Variants in FAT4 observed in about 807,000 individuals in gnomAD.
FAT4 encodes the protein protocadherin Fat 4.
FAT4 carries 84 observed loss-of-function variants against 303.9 expected under a neutral mutation model. The ratio of observed to expected loss-of-function variants is 0.28; its 90% confidence interval spans 0.23 to 0.33. The LOEUF (loss-of-function observed/expected upper bound fraction) is 0.33, where lower values mean the gene tolerates loss of function less well. Among genes scored for constraint, FAT4 ranks in the 10% least tolerant of loss-of-function variants. The pLI is 1.00. For synonymous variants in FAT4, 2,307 were observed against 2,298.8 expected (o/e 1.00, Z -0.10); for missense variants, 6,005 against 6,146.8 (o/e 0.98, Z 0.77).
At chr4:125,436,269 A>G (rs1578640999) in intron 8 of FAT4, among the ~76,000 whole-genome samples, 1 of 152,228 alleles carries the variant, frequency 6.6e-6, no homozygotes, top group African/African-American at 2.4e-5. Flanking sequence ...TTCCACTCAA[A>G]CACCTAGGCA....
intron 7 of FAT4, among the ~76,000 whole-genome samples, chr4:125,417,185 G>T (rs1245795293): frequency 6.6e-6 from 1 of 152,086 alleles, no homozygotes; most frequent in African/African-American, 2.4e-5. Context: ...TGCCCTATAA[G>T]CTTATTGAGT....
chr4:125,417,578 A>G (rs1735124627), intron 7 of FAT4, among the ~76,000 whole-genome samples: 1 of 152,170 alleles, frequency 6.6e-6, no homozygotes, highest in Admixed American at 6.6e-5. Flanking sequence ...CAATAGAGTT[A>G]TGGAGGATTC....
intron 12 of FAT4, among the ~76,000 whole-genome samples, chr4:125,471,761 G>A (rs565422789): frequency 1.2e-4 from 18 of 151,700 alleles, no homozygotes; most frequent in African/African-American, 4.4e-4. Flanking sequence ...TAAAAGTGTA[G>A]TTACTGGTGG....
At chr4:125,489,710 G>T (rs1015405462) in intron 17 of FAT4, among the ~76,000 whole-genome samples, 191 bp from the exon 18 acceptor site, 1 of 152,026 alleles carries the variant, frequency 6.6e-6, no homozygotes, top group African/African-American at 2.4e-5. Flanking sequence ...AACGCACCTT[G>T]CTAAGTTATA....
chr4:125,361,038 T>A (rs1220141726), intron 2 of FAT4, among the ~76,000 whole-genome samples: 1 of 150,048 alleles, frequency 6.7e-6, no homozygotes, highest in Non-Finnish European at 1.5e-5. Context: ...AGTGCACTGA[T>A]GTGTATTGTT....
chr4:125,446,167 A>G, intron 8 of FAT4, 126 bp from the exon 9 acceptor site: 4 of 784,036 alleles, frequency 5.1e-6, no homozygotes, highest in Non-Finnish European at 7.9e-6. Context: ...TATTCTTTCC[A>G]ACATTGTTGT....
chr4:125,461,888 C>T (rs1034086622), intron 10 of FAT4, among the ~76,000 whole-genome samples: 11 of 151,816 alleles, frequency 7.2e-5, no homozygotes, highest in African/African-American at 2.7e-4. Flanking sequence ...TCTGTGAAAC[C>T]GCAACTCTCT....
chr4:125,320,496 C>A lies in FAT4; in HGVS notation c.4085C>A (p.Thr1362Asn). The stretch of plus-strand genomic sequence containing the variant: ...ATTACTGGGACTAACAACCACGGAA[C>A]TTTTAGCATTAGCCCAAACACTGGG... ...YSITGTNNHGTFSISPNTGSI... is the reference protein window; with the variant it reads ...YSITGTNNHGNFSISPNTGSI... The change falls in exon 2 of 18, where the codon ACT (threonine) becomes AAT (asparagine). Residue 1362 changes from threonine (T) to asparagine (N), a missense_variant. Transcript: ENST00000394329. The A allele has an allele frequency of 1.2e-6, 2 of 1,614,094 alleles. No homozygotes were observed. Among genetic ancestry groups the A allele is most frequent in the Non-Finnish European group, 1.7e-6 (2 of 1,179,992 alleles).
At chr4:125,470,384 A>G (rs1726815338) in intron 12 of FAT4, among the ~76,000 whole-genome samples, 2 of 152,162 alleles carry the variant, frequency 1.3e-5, no homozygotes. Context: ...TGAAGCTTTT[A>G]ACCCAGGCAT....
At chr4:125,346,902 C>G (rs963597438) in intron 2 of FAT4, among the ~76,000 whole-genome samples, 4 of 151,986 alleles carry the variant, frequency 2.6e-5, no homozygotes, top group African/African-American at 4.8e-5. Context: ...GCCCTTGTGT[C>G]TTGAAGCTGA....
At chr4:125,409,499 G>A (rs182029976) in intron 5 of FAT4, among the ~76,000 whole-genome samples, 34 of 152,142 alleles carry the variant, frequency 2.2e-4, no homozygotes, top group Admixed American at 1.7e-3. Flanking sequence ...CAGATGACCC[G>A]CCTGCCTTGG....
chr4:125,491,080 G>A lies in FAT4; in HGVS notation c.14264G>A (p.Ser4755Asn). 1 of 1,614,238 alleles carries A rather than the reference G, an allele frequency of 6.2e-7. No homozygotes were observed. Among genetic ancestry groups the A allele is most frequent in the Non-Finnish European group, 8.5e-7 (1 of 1,180,046 alleles). Residue 4755 changes from serine to asparagine, a missense_variant, in exon 18 of 18, where the codon AGC (serine) becomes AAC (asparagine). Transcript: ENST00000394329. ...TATGCCACAAGGCTGGGAAGGAGAA[G>A]CAAGAGTCCTCAGGCCATGGCATCA... Reference protein sequence around the residue: ...FNYATRLGRRSKSPQAMASHG... With the variant: ...FNYATRLGRRNKSPQAMASHG...
At position 125,421,206 on chromosome 4, in the gene FAT4, C is replaced by T. The variant is rs143946718; in HGVS notation, c.7018+4584C>T. On this transcript the variant is annotated intron_variant, in intron 7 of 17. Coordinates refer to ENST00000394329, the MANE Select transcript of FAT4 (RefSeq NM_001291303.3). ...CCAAAGTGCTAGGCGTGAGCCACTG[C>T]GCCTGGCCTGAATAGTTTCACCATT... Among the ~76,000 whole-genome samples the T allele has an allele frequency of 2.4e-3, 368 of 152,258 alleles. 4 individuals carry two copies. Among genetic ancestry groups the T allele is most frequent in the Admixed American group, 8.1e-3 (124 of 15,286 alleles).
At chr4:125,370,308 A>T (rs892896123) in intron 2 of FAT4, among the ~76,000 whole-genome samples, 2 of 152,178 alleles carry the variant, frequency 1.3e-5, no homozygotes, top group Non-Finnish European at 2.9e-5. Context: ...TTCCGACAGG[A>T]ACCCTACAAA....
rs1734632611 is a variant in FAT4 at position 125,406,872 on chromosome 4, T to A, written c.5308-8T>A. On this transcript the variant is annotated splice_polypyrimidine_tract_variant and splice_region_variant and intron_variant, in intron 3 of 17. Coordinates refer to ENST00000394329, the MANE Select transcript of FAT4 (RefSeq NM_001291303.3). ...CCAATAGCTCAGATGCTTGGTCTCT[T>A]TTTTTAGGGTGCAAATGCTCTCGTC... The A allele has an allele frequency of 2.5e-6, 4 of 1,611,974 alleles. No individual in the cohort carries two copies. In the Admixed American group the frequency reaches 5.0e-5, roughly 20 times the overall value.
chr4:125,341,077 T>C (rs1156569550), intron 2 of FAT4, among the ~76,000 whole-genome samples: 2 of 152,176 alleles, frequency 1.3e-5, no homozygotes, highest in Non-Finnish European at 2.9e-5. Flanking sequence ...ACATTTATTA[T>C]ACATTTAGAA....
chr4:125,481,398 G>T lies in FAT4; in HGVS notation c.12605-123G>T, dbSNP rs558489182. ...GAAATTATTTTTTAAGAGTAGAGTTGGGGGACATTAATTCCCAAAACGACA... is the reference window on the plus strand; with the variant it reads ...GAAATTATTTTTTAAGAGTAGAGTTTGGGGACATTAATTCCCAAAACGACA... On this transcript the variant is annotated intron_variant, in intron 15 of 17. Coordinates refer to ENST00000394329, the MANE Select transcript of FAT4 (RefSeq NM_001291303.3). 7 of 723,984 alleles carry T rather than the reference G, an allele frequency of 9.7e-6. No homozygotes were observed. The South Asian group carries it at 1.1e-4, about 12-fold the overall frequency. 44.8% of individuals were successfully genotyped at this position (723,984 alleles called of 1,614,324 possible). A position where few individuals can be genotyped will look rare whatever the true frequency, so the allele number is the denominator to read the frequency against.
intron 10 of FAT4, among the ~76,000 whole-genome samples, chr4:125,457,002 T>G (rs1726303422): frequency 6.6e-6 from 1 of 152,104 alleles, no homozygotes; most frequent in Non-Finnish European, 1.5e-5. Flanking sequence ...TTTGTGGGCT[T>G]CCACCTGCAT....
At chr4:125,393,658 T>A (rs1277836305) in intron 2 of FAT4, among the ~76,000 whole-genome samples, 2 of 152,342 alleles carry the variant, frequency 1.3e-5, no homozygotes, top group African/African-American at 4.8e-5. Flanking sequence ...TTTTTAGTTT[T>A]AAAATATCCA....
Sources: gnomAD v4.1 joint callset for allele counts (sites outside exome capture counted in the v4.1 genomes callset) on GRCh38, gnomAD v4.1.1 for gene constraint, MANE v1.5 for transcripts, NCBI Gene and HGNC (gene_info 2026-07-23, HGNC 2026-07-21) for gene names.